Variants in RRAS2 observed in about 807,000 individuals in gnomAD.
The protein encoded by RRAS2 is RAS related 2, also known as ras-related protein R-Ras2.
A neutral mutation model predicts 27.6 loss-of-function variants in RRAS2; 7 were observed. That is an observed-to-expected ratio of 0.25 (90% CI 0.14 to 0.48). RRAS2 has a LOEUF of 0.48. Among genes scored for constraint, RRAS2 ranks in the 20% least tolerant of loss-of-function variants. RRAS2 has a pLI of 0.99. For missense variants in RRAS2, 178 were observed against 256.2 expected, an observed-to-expected ratio of 0.69 and a Z score of 2.08; for synonymous variants, 86 against 90.9, an observed-to-expected ratio of 0.95 and a Z score of 0.31.
At chr11:14,355,145 C>T (rs1849045201) in intron 1 of RRAS2, among the ~76,000 whole-genome samples, 1 of 150,832 alleles carries the variant, frequency 6.6e-6, no homozygotes, top group East Asian at 1.9e-4. Flanking sequence ...AAACACACAG[C>T]TAGTTAAATG....
chr11:14,325,364 T>C (rs561140522), intron 1 of RRAS2, among the ~76,000 whole-genome samples: 5 of 149,282 alleles, frequency 3.3e-5, no homozygotes, highest in African/African-American at 1.2e-4. Flanking sequence ...CACGCTGGAG[T>C]GCAGTGGCGC....
chr11:14,288,880 T>A (rs1554945425), intron 4 of RRAS2, among the ~76,000 whole-genome samples: 1 of 152,218 alleles, frequency 6.6e-6, no homozygotes, highest in East Asian at 1.9e-4. Flanking sequence ...AAACATCTAT[T>A]ATGTAAAAAG....
chr11:14,298,618 AT>A (rs1288510905), intron 1 of RRAS2, among the ~76,000 whole-genome samples: 1 of 152,066 alleles, frequency 6.6e-6, no homozygotes, highest in Non-Finnish European at 1.5e-5. Flanking sequence ...CATTGTTGGG[AT>A]TTTTGGATAT....
At chr11:14,356,774 A>T in intron 1 of RRAS2, 1 of 451,352 alleles carries the variant, frequency 2.2e-6, no homozygotes, top group Non-Finnish European at 4.4e-6. Context: ...ATGATTCTAT[A>T]AATTATTAGG....
chr11:14,325,010 T>C (rs1386264260), intron 1 of RRAS2, among the ~76,000 whole-genome samples: 1 of 152,222 alleles, frequency 6.6e-6, no homozygotes, highest in African/African-American at 2.4e-5. Context: ...GCCTGTATTA[T>C]CTCTAGATTC....
chr11:14,349,576 A>G (rs1405076005), intron 1 of RRAS2, among the ~76,000 whole-genome samples: 1 of 152,152 alleles, frequency 6.6e-6, no homozygotes, highest in Non-Finnish European at 1.5e-5. Flanking sequence ...CTTCTCCAAC[A>G]GTGAGAAACT....
At chr11:14,354,756 G>T (rs1388846024) in intron 1 of RRAS2, among the ~76,000 whole-genome samples, 1 of 141,568 alleles carries the variant, frequency 7.1e-6, no homozygotes, top group Admixed American at 7.7e-5. Context: ...GACTCACTGC[G>T]ACCTCCACCT....
intron 4 of RRAS2, among the ~76,000 whole-genome samples, chr11:14,282,867 C>T (rs1407070746): frequency 3.3e-5 from 5 of 152,128 alleles, no homozygotes; most frequent in African/African-American, 1.2e-4. Context: ...ATGTCATTTG[C>T]TAATAAAGAC....
At chr11:14,309,801 G>T (rs573213216) in intron 1 of RRAS2, among the ~76,000 whole-genome samples, 1 of 152,310 alleles carries the variant, frequency 6.6e-6, no homozygotes, top group South Asian at 2.1e-4. Flanking sequence ...AGGGAGGCAG[G>T]CGGAGACTTG....
intron 1 of RRAS2, among the ~76,000 whole-genome samples, chr11:14,344,019 T>C (rs1341471144): frequency 6.6e-6 from 1 of 152,140 alleles, no homozygotes; most frequent in Non-Finnish European, 1.5e-5. Context: ...GGCGCACGCC[T>C]GTACTCCCAG....
chr11:14,318,225 G>A (rs1428148263), intron 1 of RRAS2, among the ~76,000 whole-genome samples: 2 of 152,092 alleles, frequency 1.3e-5, no homozygotes, highest in African/African-American at 2.4e-5. Flanking sequence ...GCAGCCGGGC[G>A]TGGTGGCTCA....
intron 1 of RRAS2, among the ~76,000 whole-genome samples, chr11:14,300,043 A>G (rs545143775): frequency 1.3e-5 from 2 of 152,104 alleles, no homozygotes; most frequent in East Asian, 1.9e-4. Flanking sequence ...AAAAAAGAGG[A>G]AAAAAAAGCA....
intron 1 of RRAS2, among the ~76,000 whole-genome samples, chr11:14,353,280 C>G (rs1185306127): frequency 3.3e-5 from 5 of 152,148 alleles, no homozygotes; most frequent in African/African-American, 1.2e-4. Context: ...AGCCTGTTAT[C>G]TACCAAGGGA....
At chr11:14,352,406 T>C (rs1848974677) in intron 1 of RRAS2, among the ~76,000 whole-genome samples, 1 of 152,254 alleles carries the variant, frequency 6.6e-6, no homozygotes, top group African/African-American at 2.4e-5. Context: ...CAATTTATAT[T>C]TCTTTGCATC....
chr11:14,307,219 A>C (rs1485290578), intron 1 of RRAS2, among the ~76,000 whole-genome samples: 3 of 139,662 alleles, frequency 2.1e-5, no homozygotes, highest in Admixed American at 7.8e-5. Flanking sequence ...ACAAAAAAAA[A>C]CAAAAAACAA....
intron 4 of RRAS2, among the ~76,000 whole-genome samples, chr11:14,282,133 T>C (rs1259495257): frequency 1.3e-5 from 2 of 152,118 alleles, no homozygotes; most frequent in Non-Finnish European, 2.9e-5. Context: ...TGTGAAGAAG[T>C]ATCCTTGCCA....
At position 14,297,279 on chromosome 11, in the gene RRAS2, T is replaced by C. The variant is rs148943950; in HGVS notation, c.109-1424A>G. Among the ~76,000 whole-genome samples the C allele has an allele frequency of 2.2e-4, 34 of 152,276 alleles. No homozygotes were observed. In the East Asian group the frequency reaches 6.4e-3, roughly 29 times the overall value. On this transcript the variant is annotated intron_variant, in intron 1 of 5. Transcript: ENST00000256196. ...CCAGCATCAAGAGTATTTAGCCTTCTTCAGGCAAGGGTTCCTGGCTCTTGG... is the reference window on the plus strand; with the variant it reads ...CCAGCATCAAGAGTATTTAGCCTTCCTCAGGCAAGGGTTCCTGGCTCTTGG...
rs1849126094 is a variant in RRAS2, at chr11:14,358,340, C to G, written c.108+423G>C. On this transcript the variant is annotated intron_variant, in intron 1 of 5. Coordinates refer to ENST00000256196, the MANE Select transcript of RRAS2 (RefSeq NM_012250.6). This position sits in a 1 kb window ranked among gnomAD's most constrained non-coding sequence, Gnocchi z 5.1. ...GCGGCCAAGTTGCCACCGCTATCGCCCCGACGGTGAAGGCGCGGCCGCAGG... is the reference window on the plus strand; with the variant it reads ...GCGGCCAAGTTGCCACCGCTATCGCGCCGACGGTGAAGGCGCGGCCGCAGG... The G allele has an allele frequency of 1.0e-6, 1 of 985,638 alleles. No homozygotes were observed. The highest frequency in any genetic ancestry group is 1.7e-5 in the African/African-American group (1 of 57,378). 61.1% of individuals were successfully genotyped at this position (985,638 alleles called of 1,614,324 possible). A position where few individuals can be genotyped will look rare whatever the true frequency, so the allele number is the denominator to read the frequency against.
intron 1 of RRAS2, among the ~76,000 whole-genome samples, chr11:14,340,353 G>A (rs373536356): frequency 2.6e-5 from 4 of 151,476 alleles, no homozygotes; most frequent in Admixed American, 1.3e-4. Context: ...CAGCTGCCTC[G>A]GCCTCCCAAA....
Sources: allele counts gnomAD v4.1 joint callset (sites outside exome capture counted in the v4.1 genomes callset), GRCh38; gene constraint gnomAD v4.1.1; non-coding constraint Gnocchi (gnomAD v3.1); transcripts MANE v1.5; gene names NCBI Gene and HGNC (gene_info 2026-07-23, HGNC 2026-07-21).